SMARCA2: variants seen among roughly 807,000 people sequenced by gnomAD.
SMARCA2 encodes SWI/SNF-related matrix-associated actin-dependent regulator of chromatin subfamily A member 2.
SMARCA2 carries 61 observed loss-of-function variants against 199.8 expected under a neutral mutation model. That is an observed-to-expected ratio of 0.31 (90% CI 0.25 to 0.38). The LOEUF is 0.38. SMARCA2 is among the 10% of genes least tolerant of loss of function. The pLI is 1.00. For synonymous variants in SMARCA2, 935 were observed against 732.0 expected, an observed-to-expected ratio of 1.28 and a Z score of -4.48; for missense variants, 1,344 against 2,012.2, an observed-to-expected ratio of 0.67 and a Z score of 6.35.
At chr9:2,181,822 C>T (rs977558490) in intron 30 of SMARCA2, 146 bp downstream of exon 30, 38 of 621,816 alleles carry the variant, frequency 6.1e-5, no homozygotes, top group African/African-American at 2.0e-4. Context: ...TGTGCTTTTC[C>T]GTGAGTGTTA....
intron 29 of SMARCA2, among the ~76,000 whole-genome samples, chr9:2,172,293 T>C (rs1258633652): frequency 6.6e-6 from 1 of 151,656 alleles, no homozygotes; most frequent in Non-Finnish European, 1.5e-5. Flanking sequence ...AAGAGCTATG[T>C]CAACAAATAA....
rs7848615 is a variant in SMARCA2 at position 2,122,172 on chromosome 9, A to G, written c.3763-1547A>G. Among the ~76,000 whole-genome samples, 909 of 152,324 alleles carry G rather than the reference A, an allele frequency of 6.0e-3. 5 individuals are homozygous for G. The highest frequency in any genetic ancestry group is 0.02 in the African/African-American group (849 of 41,566). On this transcript the variant is annotated intron_variant, in intron 26 of 33. Coordinates refer to ENST00000349721, the MANE Select transcript of SMARCA2 (RefSeq NM_003070.5). ...CTATCAGAAAAGATTTATTTTCTCAATTGTGGACAAATATATTAGCAAGAA... is the reference window on the plus strand; with the variant it reads ...CTATCAGAAAAGATTTATTTTCTCAGTTGTGGACAAATATATTAGCAAGAA...
chr9:2,055,285 T>C (rs891210655), intron 6 of SMARCA2, among the ~76,000 whole-genome samples: 1 of 152,264 alleles, frequency 6.6e-6, no homozygotes, highest in African/African-American at 2.4e-5. Context: ...GTAAATTATC[T>C]GCTCTTGTAG....
chr9:2,181,459 C>T (rs1563835428), intron 29 of SMARCA2, 112 bp from the exon 30 acceptor site: 3 of 661,358 alleles, frequency 4.5e-6, no homozygotes, highest in Non-Finnish European at 2.8e-6. Context: ...AGCTCCATAT[C>T]TATATGCGTG....
rs770885495 is a variant in SMARCA2, at chr9:2,104,069, G to A, written c.3192G>A (p.Ala1064=). 13 of 1,613,962 alleles carry A rather than the reference G, an allele frequency of 8.1e-6. No homozygotes were observed. The highest frequency in any genetic ancestry group is 6.7e-5 in the East Asian group (3 of 44,868). The change falls in exon 23 of 34, where the codon GCG becomes GCA. Residue 1064 remains alanine (A), a synonymous_variant. Coordinates refer to ENST00000349721, the MANE Select transcript of SMARCA2 (RefSeq NM_003070.5). This position sits in a 1 kb window ranked among gnomAD's most constrained non-coding sequence, Gnocchi z 4.0. ...ATCGTATTCTGCCAAAATTGAGAGC[G>A]ACTAATCACCGAGTGCTGCTTTTCT... is the stretch of plus-strand genomic sequence containing the variant. The part of the protein sequence containing the change: ...LLDRILPKLR[A]TNHRVLLFCQ...
chr9:2,050,667 C>T (rs1167618958), intron 5 of SMARCA2, among the ~76,000 whole-genome samples: 3 of 151,612 alleles, frequency 2.0e-5, no homozygotes, highest in African/African-American at 7.3e-5. Flanking sequence ...CATTGCAATC[C>T]TGAAAATTCC....
At chr9:2,111,235 C>G (rs1170538624) in intron 24 of SMARCA2, among the ~76,000 whole-genome samples, 5 of 151,494 alleles carry the variant, frequency 3.3e-5, no homozygotes, top group Non-Finnish European at 7.4e-5. Context: ...GCCTGTAATC[C>G]CAGGACTTTG....
chr9:2,192,445 C>G, intron 33 of SMARCA2: 1 of 472,778 alleles, frequency 2.1e-6, no homozygotes. Context: ...AGCCATAAAC[C>G]TTTCAAGCCA....
At chr9:2,033,762 G>A (rs1819176116) in intron 3 of SMARCA2, among the ~76,000 whole-genome samples, 2 of 152,166 alleles carry the variant, frequency 1.3e-5, no homozygotes, top group African/African-American at 4.8e-5. Flanking sequence ...AGTTTCTGGT[G>A]GTTGCCAGCA....
intron 27 of SMARCA2, among the ~76,000 whole-genome samples, chr9:2,144,193 A>G (rs1005065083): frequency 7.2e-5 from 11 of 152,204 alleles, no homozygotes; most frequent in Admixed American, 7.2e-4. Context: ...GGCAGGTATT[A>G]TCTTGTGAAG....
At chr9:2,157,841 G>A (rs1825446940) in intron 27 of SMARCA2, 1 of 398,282 alleles carries the variant, frequency 2.5e-6, no homozygotes. Flanking sequence ...AGAAGAAGGC[G>A]CCTGAGGCTG....
chr9:2,123,948 C>T lies in SMARCA2; in HGVS notation c.3981+11C>T. On this transcript the variant is annotated intron_variant, in intron 27 of 33. Transcript: ENST00000349721. The surrounding 1 kb of genome is among the most constrained non-coding windows in gnomAD (Gnocchi z 4.1). ...AAGCAGTGGCTAAGGGTAAGCCTAGCTTTTCTAACCCGCTCTCACTAGGTG... is the reference window on the plus strand; with the variant it reads ...AAGCAGTGGCTAAGGGTAAGCCTAGTTTTTCTAACCCGCTCTCACTAGGTG... 6.4e-7 allele frequency: 1 copy of T among 1,550,710 alleles called. No homozygotes were observed. Among genetic ancestry groups the T allele is most frequent in the South Asian group, 1.2e-5 (1 of 84,258 alleles).
At position 2,039,747 on chromosome 9, in the gene SMARCA2, C is replaced by T. The variant is rs1563724432; in HGVS notation, c.637C>T (p.Pro213Ser). The change falls in exon 4 of 34, where the codon CCT (proline) becomes TCT (serine). Residue 213 changes from proline (P) to serine (S), a missense_variant. Around this residue, in one of 18 missense-constraint regions of SMARCA2, gnomAD observed 24 missense variants for 53.7 expected, o/e 0.45. Coordinates refer to ENST00000349721, the MANE Select transcript of SMARCA2 (RefSeq NM_003070.5). The surrounding 1 kb of genome is among the most constrained non-coding windows in gnomAD (Gnocchi z 4.8). ...QLAVQGKRTL[P>S]GLQQQQQQQQ... ...TGCAGTCCAGGGGAAAAGGACGTTG[C>T]CTGGCTTGCAGCAACAACAGCAGCA... 1 of 1,613,896 alleles carries T rather than the reference C, an allele frequency of 6.2e-7. No individual in the cohort carries two copies. Among genetic ancestry groups the T allele is most frequent in the Non-Finnish European group, 8.5e-7 (1 of 1,179,994 alleles).
At position 2,123,895 on chromosome 9, in the gene SMARCA2, C is replaced by G. The variant is rs745662991; in HGVS notation, c.3939C>G (p.Asp1313Glu). Residue 1313 changes from aspartate to glutamate, a missense_variant, in exon 27 of 34, where the codon GAC becomes GAG. Transcript: ENST00000349721. The surrounding 1 kb of genome is among the most constrained non-coding windows in gnomAD (Gnocchi z 4.1). ...IFGRGSRQRR[D>E]VDYSDALTEK... ...GGAGGGGGTCCCGCCAGCGCCGTGACGTGGACTACAGTGACGCCCTCACGG... is the reference window on the plus strand; with the variant it reads ...GGAGGGGGTCCCGCCAGCGCCGTGAGGTGGACTACAGTGACGCCCTCACGG... 2 of 1,591,948 alleles carry G rather than the reference C, an allele frequency of 1.3e-6. No homozygotes were observed. The highest frequency in any genetic ancestry group is 1.7e-6 in the Non-Finnish European group (2 of 1,169,192).
In SMARCA2 at chr9:2,073,539, C is replaced by T. The variant is rs755680577; in HGVS notation, c.1878-27C>T. 2.0e-5 allele frequency: 32 copies of T among 1,593,734 alleles called. No individual in the cohort carries two copies. The Admixed American group carries it at 5.1e-4, about 25-fold the overall frequency. On this transcript the variant is annotated intron_variant, in intron 11 of 33. Coordinates refer to ENST00000349721, the MANE Select transcript of SMARCA2 (RefSeq NM_003070.5). ...ATTGTAATTTAAAAAACTAAGCCCCCTCCTCTTCCTCACTCTTTTTCCTTA... is the reference window on the plus strand; with the variant it reads ...ATTGTAATTTAAAAAACTAAGCCCCTTCCTCTTCCTCACTCTTTTTCCTTA...
intron 29 of SMARCA2, among the ~76,000 whole-genome samples, chr9:2,173,036 A>C (rs1826342357): frequency 6.6e-6 from 1 of 152,200 alleles, no homozygotes; most frequent in Non-Finnish European, 1.5e-5. Flanking sequence ...GGTAGGATTG[A>C]CAAGACTTAG....
intron 21 of SMARCA2, among the ~76,000 whole-genome samples, chr9:2,100,443 A>C (rs1161263844): frequency 6.6e-6 from 1 of 152,160 alleles, no homozygotes; most frequent in African/African-American, 2.4e-5. Context: ...TGGCTCATCC[A>C]ATAAGCCTAG....
At chr9:2,134,224 G>A (rs181373507) in intron 27 of SMARCA2, among the ~76,000 whole-genome samples, 20 of 152,250 alleles carry the variant, frequency 1.3e-4, no homozygotes, top group African/African-American at 2.4e-4. Context: ...AGCTCCTTTC[G>A]CTTACTCACT....
intron 9 of SMARCA2, among the ~76,000 whole-genome samples, chr9:2,067,049 A>C (rs889614646): frequency 6.6e-6 from 1 of 152,200 alleles, no homozygotes; most frequent in African/African-American, 2.4e-5. Flanking sequence ...TGATGGGAGG[A>C]GTTGATATCT....
Sources: gnomAD v4.1 joint callset for allele counts (sites outside exome capture counted in the v4.1 genomes callset) on GRCh38, gnomAD v4.1.1 for gene constraint, gnomAD v4.1.1 regional missense constraint, Gnocchi (gnomAD v3.1) non-coding constraint, MANE v1.5 for transcripts, NCBI Gene and HGNC (gene_info 2026-07-23, HGNC 2026-07-21) for gene names.